Variants in VOPP1 observed in about 807,000 individuals in gnomAD.
VOPP1 encodes the protein VOPP1 WW domain binding protein.
Under a neutral mutation model 23.5 loss-of-function variants are expected in VOPP1, and 8 were observed. That is an observed-to-expected ratio of 0.34 (90% CI 0.20 to 0.61). VOPP1 has a LOEUF of 0.61. Among genes scored for constraint, VOPP1 ranks in the 20% least tolerant of loss-of-function variants. The probability of loss-of-function intolerance (pLI) is 0.78; values close to 1 mark genes in which losing one functional copy is unlikely to be tolerated. For synonymous variants in VOPP1, 83 were observed against 97.3 expected, an observed-to-expected ratio of 0.85 and a Z score of 0.86; for missense variants, 174 against 238.1, an observed-to-expected ratio of 0.73 and a Z score of 1.77.
At chr7:55,436,645 CGTGGGTGT>C (rs1469258436) in intron 4 of VOPP1, among the ~76,000 whole-genome samples, 1 of 148,992 alleles carries the variant, frequency 6.7e-6, no homozygotes, top group Non-Finnish European at 1.5e-5. Flanking sequence ...TGTGTGCGTG[CGTGGGTGT>C]GTGTGCGTGT....
At chr7:55,480,032 T>C (rs950365847) in intron 4 of VOPP1, among the ~76,000 whole-genome samples, 17 of 152,386 alleles carry the variant, frequency 1.1e-4, no homozygotes, top group South Asian at 6.2e-4. Flanking sequence ...TTGGTTATGA[T>C]GGTTTACTAT....
chr7:55,486,120 C>T (rs879879623), intron 4 of VOPP1, among the ~76,000 whole-genome samples: 6 of 152,186 alleles, frequency 3.9e-5, no homozygotes, highest in Admixed American at 1.3e-4. Context: ...CCATCACTGG[C>T]GAAGCAGAGG....
At chr7:55,497,885 G>A (rs1481549991) in intron 2 of VOPP1, among the ~76,000 whole-genome samples, 195 bp from the exon 3 acceptor site, 1 of 152,234 alleles carries the variant, frequency 6.6e-6, no homozygotes, top group Non-Finnish European at 1.5e-5. Context: ...CCAAAGCAAG[G>A]TGCTGAGGTG....
At chr7:55,551,844 A>T (rs1181454195) in intron 1 of VOPP1, among the ~76,000 whole-genome samples, 1 of 152,150 alleles carries the variant, frequency 6.6e-6, no homozygotes, top group Admixed American at 6.5e-5. Flanking sequence ...GTTTGAGACC[A>T]GCCGGGCCAA....
rs900977921 is a variant in VOPP1, at chr7:55,462,898, C to T, written n.418-26724G>A. ...GTCTCGATCTCCTGACCTCGTGATC[C>T]GCCCGCCTCGGCCTCCCAATATATT... is the stretch of plus-strand genomic sequence containing the variant. On this transcript the variant is annotated intron_variant and non_coding_transcript_variant, in intron 4 of 4. Coordinates refer to the VOPP1 transcript ENST00000462326. Among the ~76,000 whole-genome samples the T allele has an allele frequency of 4.2e-4, 64 of 152,014 alleles. 3 individuals carry two copies. Among genetic ancestry groups the T allele is most frequent in the Middle Eastern group, 3.2e-3 (1 of 316 alleles).
At chr7:55,438,361 C>A (rs1319336372) in intron 4 of VOPP1, among the ~76,000 whole-genome samples, 1 of 152,142 alleles carries the variant, frequency 6.6e-6, no homozygotes, top group East Asian at 1.9e-4. Flanking sequence ...CTGAATGCGT[C>A]TGCAGTCTAG....
At chr7:55,538,697 T>C (rs1314404531) in intron 1 of VOPP1, 1 of 1,532,692 alleles carries the variant, frequency 6.5e-7, no homozygotes, top group African/African-American at 1.4e-5. Context: ...TACTTAGCTG[T>C]TCATCAAGAG....
intron 1 of VOPP1, among the ~76,000 whole-genome samples, chr7:55,522,127 G>A (rs1206861381): frequency 6.6e-6 from 1 of 152,146 alleles, no homozygotes; most frequent in Admixed American, 6.5e-5. Context: ...AGGGTGGCTG[G>A]ATCAGCTCCC....
At chr7:55,479,236 T>C (rs977281567) in intron 4 of VOPP1, among the ~76,000 whole-genome samples, 4 of 151,968 alleles carry the variant, frequency 2.6e-5, no homozygotes, top group Admixed American at 2.6e-4. Flanking sequence ...ACGTGTGCCA[T>C]GCTGGTGTGC....
intron 2 of VOPP1, among the ~76,000 whole-genome samples, chr7:55,499,350 A>G (rs117725888): frequency 0.011 from 1,674 of 152,246 alleles, 11 homozygotes; most frequent in Middle Eastern, 0.02. Context: ...TACTCAGGGA[A>G]CTGAGGTAGA....
chr7:55,545,981 C>T (rs1173385233), intron 1 of VOPP1, among the ~76,000 whole-genome samples: 1 of 152,098 alleles, frequency 6.6e-6, no homozygotes, highest in Non-Finnish European at 1.5e-5. Flanking sequence ...GTGGGAGGAC[C>T]ACCTGAGCCT....
At chr7:55,505,854 C>T (rs1261853919) in intron 2 of VOPP1, among the ~76,000 whole-genome samples, 4 of 152,102 alleles carry the variant, frequency 2.6e-5, no homozygotes, top group African/African-American at 9.7e-5. Context: ...ATAAATACAG[C>T]TATTATAACA....
chr7:55,471,856 GTC>G lies in VOPP1; in HGVS notation c.*997_*998del, dbSNP rs1791845821. 1 of 151,768 alleles carries G rather than the reference GTC, an allele frequency of 6.6e-6. No individual in the cohort carries two copies. Among genetic ancestry groups the G allele is most frequent in the South Asian group, 2.1e-4 (1 of 4,778 alleles). The allele number at this position is 151,768 out of a possible 1,614,324, so 9.4% of individuals were successfully genotyped here. ...ACCTCAGAGAGAGACGCCTCAGCTG[GTC>G]TCTCTCCCTGGAAGAGTCCATGTGA... On this transcript the variant is annotated 3_prime_UTR_variant, in exon 5 of 5. Coordinates refer to ENST00000285279, the MANE Select transcript of VOPP1 (RefSeq NM_030796.5).
At chr7:55,517,111 T>C (rs1024347075) in intron 2 of VOPP1, among the ~76,000 whole-genome samples, 18 of 150,054 alleles carry the variant, frequency 1.2e-4, no homozygotes, top group Non-Finnish European at 1.9e-4. Context: ...AGCTAATATA[T>C]ATATATTTTT....
At chr7:55,443,897 C>G (rs569574773) in intron 4 of VOPP1, among the ~76,000 whole-genome samples, 1 of 152,166 alleles carries the variant, frequency 6.6e-6, no homozygotes, top group South Asian at 2.1e-4. Context: ...CCCGCCTCAG[C>G]CTCCCAAAGT....
chr7:55,468,249 G>A (rs532202468), downstream of VOPP1, among the ~76,000 whole-genome samples: 272 of 140,574 alleles, frequency 1.9e-3, 1 homozygote, highest in African/African-American at 5.5e-3. Flanking sequence ...CCAGCCTGGC[G>A]ACAGAGCAAG....
intron 1 of VOPP1, among the ~76,000 whole-genome samples, chr7:55,549,480 G>A (rs531560780): frequency 5.9e-5 from 9 of 152,324 alleles, no homozygotes; most frequent in Non-Finnish European, 8.8e-5. Context: ...CTGCTTCTGC[G>A]ACTGAGACTG....
At chr7:55,536,599 G>T (rs1796805048) in intron 1 of VOPP1, among the ~76,000 whole-genome samples, 1 of 152,124 alleles carries the variant, frequency 6.6e-6, no homozygotes, top group South Asian at 2.1e-4. Flanking sequence ...TATGCTGATG[G>T]GGACAAAGAG....
intron 4 of VOPP1, among the ~76,000 whole-genome samples, chr7:55,462,655 A>ATTTT (rs1191796338): frequency 3.3e-5 from 4 of 122,614 alleles, no homozygotes; most frequent in Admixed American, 8.7e-5. Flanking sequence ...TCTTGATTAT[A>ATTTT]TTTTTTTTTT....
Sources: gnomAD v4.1 joint callset for allele counts (sites outside exome capture counted in the v4.1 genomes callset) on GRCh38, gnomAD v4.1.1 for gene constraint, MANE v1.5 for transcripts, NCBI Gene and HGNC (gene_info 2026-07-23, HGNC 2026-07-21) for gene names.